The following KCTD8 variants were observed in gnomAD, a reference collection of about 807,000 sequenced individuals.
KCTD8 encodes the protein potassium channel tetramerization domain containing 8, also known as BTB/POZ domain-containing protein KCTD8.
KCTD8 carries 27 observed loss-of-function variants against 31.5 expected under a neutral mutation model. The observed-to-expected ratio is 0.86, with a 90% CI of 0.63 to 1.18. The LOEUF is 1.18. Among genes scored for constraint, KCTD8 ranks in the 50% most tolerant of loss-of-function variants. The pLI is 0.00. For synonymous variants in KCTD8, 290 were observed against 280.0 expected, an observed-to-expected ratio of 1.04 and a Z score of -0.36; for missense variants, 658 against 647.7, an observed-to-expected ratio of 1.02 and a Z score of -0.17.
chr4:44,447,824 G>A lies in KCTD8; in HGVS notation c.700C>T (p.Arg234Cys). 1.3e-6 allele frequency: 2 copies of A among 1,598,962 alleles called. No homozygotes were observed. Among genetic ancestry groups the A allele is most frequent in the Non-Finnish European group, 1.7e-6 (2 of 1,171,288 alleles). The stretch of plus-strand genomic sequence containing the variant: ...GCGATGCGCCCGCACACCATGATGC[G>A]CGCCACACGCCGGAATTTGGCGTCG... ...QADAKFRRVARIMVCGRIALA... is the reference protein window; with the variant it reads ...QADAKFRRVACIMVCGRIALA... The change falls in exon 1 of 2, where the codon CGC (arginine) becomes TGC (cysteine). Residue 234 changes from arginine (R) to cysteine (C), a missense_variant. Coordinates refer to ENST00000360029, the MANE Select transcript of KCTD8 (RefSeq NM_198353.3).
intron 1 of KCTD8, among the ~76,000 whole-genome samples, chr4:44,346,631 C>T (rs1425593167): frequency 6.6e-6 from 1 of 151,986 alleles, no homozygotes; most frequent in Admixed American, 6.6e-5. Flanking sequence ...CAAATGTCAC[C>T]CACCTCTTGG....
At chr4:44,398,856 T>C (rs753891853) in intron 1 of KCTD8, among the ~76,000 whole-genome samples, 1 of 152,160 alleles carries the variant, frequency 6.6e-6, no homozygotes, top group African/African-American at 2.4e-5. Flanking sequence ...TTCAGGATGA[T>C]TGACGCATAT....
At chr4:44,392,291 C>T (rs534934381) in intron 1 of KCTD8, among the ~76,000 whole-genome samples, 27 of 152,038 alleles carry the variant, frequency 1.8e-4, no homozygotes, top group African/African-American at 6.0e-4. Flanking sequence ...CATATCATGA[C>T]ACTCTCTCAT....
chr4:44,421,102 G>T (rs1190928220), intron 1 of KCTD8, among the ~76,000 whole-genome samples: 2 of 152,012 alleles, frequency 1.3e-5, no homozygotes, highest in African/African-American at 4.8e-5. Context: ...GCATAAGTGG[G>T]TTTTTCTGAA....
chr4:44,319,764 A>G (rs552905379), intron 1 of KCTD8, among the ~76,000 whole-genome samples: 1 of 152,286 alleles, frequency 6.6e-6, no homozygotes, highest in East Asian at 1.9e-4. Flanking sequence ...TCAATACCAA[A>G]AAGTAAAGAA....
intron 1 of KCTD8, among the ~76,000 whole-genome samples, chr4:44,404,753 T>C (rs1720743956): frequency 6.6e-6 from 1 of 152,190 alleles, no homozygotes; most frequent in Non-Finnish European, 1.5e-5. Context: ...TCCCCTAACT[T>C]ATTCATTCAG....
intron 1 of KCTD8, among the ~76,000 whole-genome samples, chr4:44,351,833 G>A (rs1016907156): frequency 2.0e-5 from 3 of 152,092 alleles, no homozygotes; most frequent in Admixed American, 2.0e-4. Context: ...CTACACAACT[G>A]AACTGAAAAT....
chr4:44,391,085 C>T (rs545492943), intron 1 of KCTD8, among the ~76,000 whole-genome samples: 4 of 151,912 alleles, frequency 2.6e-5, no homozygotes, highest in South Asian at 2.1e-4. Context: ...GAATGGAAAA[C>T]CAAACATTGT....
chr4:44,254,345 G>A (rs1342279743), intron 1 of KCTD8, among the ~76,000 whole-genome samples: 2 of 151,894 alleles, frequency 1.3e-5, no homozygotes, highest in African/African-American at 4.8e-5. Context: ...ATCAAATATA[G>A]TTTTTTACAG....
intron 1 of KCTD8, among the ~76,000 whole-genome samples, chr4:44,383,196 A>G (rs1461923216): frequency 6.6e-6 from 1 of 152,120 alleles, no homozygotes; most frequent in East Asian, 1.9e-4. Flanking sequence ...AAGACATCCC[A>G]TGATCATAGA....
intron 1 of KCTD8, among the ~76,000 whole-genome samples, chr4:44,328,066 T>C (rs1362500138): frequency 6.6e-6 from 1 of 151,914 alleles, no homozygotes; most frequent in Non-Finnish European, 1.5e-5. Flanking sequence ...AATATTTAAA[T>C]GGATGATATA....
intron 1 of KCTD8, among the ~76,000 whole-genome samples, chr4:44,328,948 T>G (rs1438339973): frequency 6.6e-6 from 1 of 151,850 alleles, no homozygotes; most frequent in Non-Finnish European, 1.5e-5. Flanking sequence ...TGTCCAACCG[T>G]GCAAGATACT....
At chr4:44,371,875 C>T (rs1719795707) in intron 1 of KCTD8, among the ~76,000 whole-genome samples, 1 of 151,952 alleles carries the variant, frequency 6.6e-6, no homozygotes, top group Admixed American at 6.6e-5. Context: ...AGGTTCTGTC[C>T]AGTTTTTAAA....
chr4:44,400,703 TG>T (rs1271176643), intron 1 of KCTD8, among the ~76,000 whole-genome samples: 2 of 124,108 alleles, frequency 1.6e-5, no homozygotes, highest in Non-Finnish European at 3.2e-5. Flanking sequence ...GACTCCAGCC[TG>T]GGGGACAGAA....
At chr4:44,290,926 C>A (rs1717253993) in intron 1 of KCTD8, among the ~76,000 whole-genome samples, 1 of 151,880 alleles carries the variant, frequency 6.6e-6, no homozygotes, top group Non-Finnish European at 1.5e-5. Flanking sequence ...AACAAACCAA[C>A]CACAAAGTTA....
intron 1 of KCTD8, among the ~76,000 whole-genome samples, chr4:44,445,238 T>C (rs1424312915): frequency 6.6e-6 from 1 of 152,196 alleles, no homozygotes; most frequent in Non-Finnish European, 1.5e-5. Context: ...AATAAATATA[T>C]GTATTCTAGT....
intron 1 of KCTD8, among the ~76,000 whole-genome samples, chr4:44,231,784 C>G (rs188796289): frequency 1.1e-3 from 161 of 146,442 alleles, no homozygotes; most frequent in African/African-American, 3.8e-3. Flanking sequence ...CTCACTGTGT[C>G]TCTCTCTCTC....
chr4:44,375,315 A>C (rs904629310), intron 1 of KCTD8, among the ~76,000 whole-genome samples: 7 of 152,156 alleles, frequency 4.6e-5, no homozygotes, highest in African/African-American at 1.2e-4. Context: ...GAAATTCTAC[A>C]CAAAAGTGAC....
intron 1 of KCTD8, among the ~76,000 whole-genome samples, chr4:44,374,819 A>G (rs550440770): frequency 1.6e-4 from 24 of 152,180 alleles, no homozygotes; most frequent in African/African-American, 5.6e-4. Context: ...CAGGAGTAAC[A>G]TCAAAGATAA....
Sources: allele counts gnomAD v4.1 joint callset (sites outside exome capture counted in the v4.1 genomes callset), GRCh38; gene constraint gnomAD v4.1.1; transcripts MANE v1.5; gene names NCBI Gene and HGNC (gene_info 2026-07-23, HGNC 2026-07-21).